HAUS6: variants seen among roughly 807,000 people sequenced by gnomAD.
The protein encoded by HAUS6 is HAUS augmin-like complex subunit 6.
HAUS6 carries 80 observed loss-of-function variants against 106.8 expected under a neutral mutation model. The observed-to-expected ratio is 0.75, with a 90% CI of 0.63 to 0.90. The LOEUF (loss-of-function observed/expected upper bound fraction) is 0.90, where lower values mean the gene tolerates loss of function less well. HAUS6 is among the 40% of genes least tolerant of loss of function. The pLI is 0.00. For missense variants in HAUS6, 1,155 were observed against 1,118.1 expected (o/e 1.03, Z -0.47); for synonymous variants, 356 against 379.1 (o/e 0.94, Z 0.71).
Position 19,102,831 on chromosome 9 carries a change from TGA to T in HAUS6, c.-182_-181del. On this transcript the variant is annotated 5_prime_UTR_variant, in exon 1 of 17. Transcript: ENST00000380502. ...AAGGGCCTCACAACCTCCGGGAAAT[TGA>T]GTTTCTAACGGTATAGTGCGGCCAC... 1.7e-6 allele frequency: 1 copy of T among 577,156 alleles called. No homozygotes were observed. Among genetic ancestry groups the T allele is most frequent in the Non-Finnish European group, 3.0e-6 (1 of 333,128 alleles). 35.8% of individuals were successfully genotyped at this position (577,156 alleles called of 1,614,324 possible).
At chr9:19,076,179 G>A (rs987035521) in intron 11 of HAUS6, among the ~76,000 whole-genome samples, 1 of 149,346 alleles carries the variant, frequency 6.7e-6, no homozygotes, top group African/African-American at 2.5e-5. Context: ...GGGCAACATG[G>A]TGAAATCCCA....
intron 10 of HAUS6, among the ~76,000 whole-genome samples, chr9:19,076,999 A>C (rs1236912457): frequency 6.6e-6 from 1 of 151,966 alleles, no homozygotes; most frequent in Admixed American, 6.6e-5. Flanking sequence ...ACACACCACA[A>C]CACCCAGTTT....
intron 15 of HAUS6, among the ~76,000 whole-genome samples, chr9:19,059,357 C>A (rs1268310941): frequency 6.6e-6 from 1 of 152,154 alleles, no homozygotes; most frequent in African/African-American, 2.4e-5. Context: ...GCTTTGCAGG[C>A]CATCCATTCT....
At position 19,087,159 on chromosome 9, in the gene HAUS6, G is replaced by T; in HGVS notation, c.585-3C>A. Reference sequence around the variant, plus strand: ...TTCGTACCTGCTTAACTGATAATCTGCAAGAAAACATACAAAATGACAACT... The same window carrying T: ...TTCGTACCTGCTTAACTGATAATCTTCAAGAAAACATACAAAATGACAACT... On this transcript the variant is annotated splice_region_variant and splice_polypyrimidine_tract_variant and intron_variant, in intron 5 of 16. Transcript: ENST00000380502. The T allele has an allele frequency of 7.0e-7, 1 of 1,433,836 alleles. No individual in the cohort carries two copies. Among genetic ancestry groups the T allele is most frequent in the Admixed American group, 1.7e-5 (1 of 59,558 alleles). The allele number at this position is 1,433,836 out of a possible 1,614,324, so 88.8% of individuals were successfully genotyped here. A position where few individuals can be genotyped will look rare whatever the true frequency, so the allele number is the denominator to read the frequency against.
intron 2 of HAUS6, among the ~76,000 whole-genome samples, chr9:19,095,682 T>C (rs181040932): frequency 3.9e-5 from 6 of 152,242 alleles, no homozygotes; most frequent in East Asian, 1.9e-4. Flanking sequence ...CCCTAAGCGA[T>C]AGACCTACTT....
At chr9:19,073,886 G>A (rs1836931027) in intron 11 of HAUS6, 1 of 152,058 alleles carries the variant, frequency 6.6e-6, no homozygotes, top group African/African-American at 2.4e-5. Flanking sequence ...GAACAATACA[G>A]AGATTAACAT....
rs956944784 is a variant in HAUS6, at chr9:19,093,352, T to G, written c.304-49A>C. 9 of 1,465,744 alleles carry G rather than the reference T, an allele frequency of 6.1e-6. No homozygotes were observed. The African/African-American group carries it at 1.3e-4, about 21-fold the overall frequency. The allele number at this position is 1,465,744 out of a possible 1,614,324, so 90.8% of individuals were successfully genotyped here. On this transcript the variant is annotated intron_variant, in intron 3 of 16. Coordinates refer to ENST00000380502, the MANE Select transcript of HAUS6 (RefSeq NM_017645.5). ...ATTTGAAGACCTTGTTAACAATAAC[T>G]CTTACATTTACATCACACTATTTTT...
At chr9:19,088,658 A>C (rs977100623) in intron 5 of HAUS6, among the ~76,000 whole-genome samples, 4 of 151,852 alleles carry the variant, frequency 2.6e-5, no homozygotes, top group Admixed American at 2.6e-4. Context: ...ACTTGAGGTC[A>C]GGAGTTCGAG....
intron 10 of HAUS6, among the ~76,000 whole-genome samples, chr9:19,077,789 G>A (rs1176694020): frequency 6.6e-6 from 1 of 152,130 alleles, no homozygotes; most frequent in East Asian, 1.9e-4. Flanking sequence ...GCTGAGTGTA[G>A]TGGCTCATGC....
chr9:19,079,971 T>C (rs1368189536), intron 9 of HAUS6, among the ~76,000 whole-genome samples: 1 of 150,804 alleles, frequency 6.6e-6, no homozygotes, highest in South Asian at 2.1e-4. Flanking sequence ...GGTCGGGAGT[T>C]CGAGACCAGC....
rs1157269105 is a variant in HAUS6 at position 19,102,886 on chromosome 9, C to A, written c.-235G>T. 4 of 388,852 alleles carry A rather than the reference C, an allele frequency of 1.0e-5. No individual in the cohort carries two copies. Among genetic ancestry groups the A allele is most frequent in the African/African-American group, 2.1e-5 (1 of 47,844 alleles). The allele number at this position is 388,852 out of a possible 1,614,324, so 24.1% of individuals were successfully genotyped here. On this transcript the variant is annotated 5_prime_UTR_variant, in exon 1 of 17. Coordinates refer to ENST00000380502, the MANE Select transcript of HAUS6 (RefSeq NM_017645.5). ...CTGCCTCAGCGAAGCCACCACAAAC[C>A]GAGACTCCCGCCCTTAAGGAAGAGC...
chr9:19,086,253 G>A (rs1837292760), intron 7 of HAUS6, among the ~76,000 whole-genome samples: 1 of 151,592 alleles, frequency 6.6e-6, no homozygotes, highest in Non-Finnish European at 1.5e-5. Context: ...GGAGGTTGCA[G>A]TGAGCTGAGA....
In HAUS6 at chr9:19,058,861, T is replaced by C. The variant is rs748614956; in HGVS notation, c.1906A>G (p.Met636Val). ...GTGGTTTCTAAGAGAAAATCAGCCA[T>C]GCTAAATTCTCTTTGATTGTGCAAC... ...PVLHNQREFS[M>V]ADFLLETTVS... Residue 636 changes from methionine to valine, a missense_variant, in exon 16 of 17, where the codon ATG (methionine) becomes GTG (valine). Transcript: ENST00000380502. The C allele has an allele frequency of 6.2e-7, 1 of 1,613,872 alleles. No individual in the cohort carries two copies. The highest frequency in any genetic ancestry group is 8.5e-7 in the Non-Finnish European group (1 of 1,179,732).
intron 12 of HAUS6, 98 bp downstream of exon 12, chr9:19,070,121 C>T: frequency 1.4e-6 from 1 of 708,218 alleles, no homozygotes; most frequent in Non-Finnish European, 2.5e-6. Flanking sequence ...CCCAACAGAC[C>T]CAGAAGTCCA....
At chr9:19,085,841 T>C (rs891141032) in intron 7 of HAUS6, among the ~76,000 whole-genome samples, 1 of 152,142 alleles carries the variant, frequency 6.6e-6, no homozygotes, top group African/African-American at 2.4e-5. Context: ...GCAGAGCTTT[T>C]TGTACTGGGG....
At chr9:19,084,959 G>A (rs564660393) in intron 7 of HAUS6, among the ~76,000 whole-genome samples, 3 of 151,360 alleles carry the variant, frequency 2.0e-5, no homozygotes, top group South Asian at 2.1e-4. Flanking sequence ...GACGGGTCTC[G>A]CTCTGTTGCC....
chr9:19,095,567 T>C (rs975495443), intron 2 of HAUS6, among the ~76,000 whole-genome samples: 2 of 150,380 alleles, frequency 1.3e-5, no homozygotes, highest in Admixed American at 6.6e-5. Context: ...ACCTTAATAA[T>C]AGGGAATTCC....
chr9:19,087,774 T>G (rs1199997126), intron 5 of HAUS6, among the ~76,000 whole-genome samples: 3 of 137,678 alleles, frequency 2.2e-5, no homozygotes, highest in Non-Finnish European at 4.5e-5. Context: ...GCCCAGGAGG[T>G]CAAGGCTGCC....
At position 19,080,684 on chromosome 9, in the gene HAUS6, G is replaced by A; in HGVS notation, c.871-12C>T. On this transcript the variant is annotated splice_polypyrimidine_tract_variant and intron_variant, in intron 8 of 16. Transcript: ENST00000380502. ...TTTCCTATGTGCAACTAAGGAATCA[G>A]GAGGAGAAAAAAATTGGTGAACTAT... 3 of 1,551,056 alleles carry A rather than the reference G, an allele frequency of 1.9e-6. No individual in the cohort carries two copies. The highest frequency in any genetic ancestry group is 1.2e-5 in the South Asian group (1 of 86,708).
Sources: gnomAD v4.1 joint callset for allele counts (sites outside exome capture counted in the v4.1 genomes callset) on GRCh38, gnomAD v4.1.1 for gene constraint, MANE v1.5 for transcripts, NCBI Gene and HGNC (gene_info 2026-07-23, HGNC 2026-07-21) for gene names.